Variants in CRB1 observed in about 807,000 individuals in gnomAD.
CRB1 encodes crumbs cell polarity complex component 1.
CRB1 carries 83 observed loss-of-function variants against 120.0 expected under a neutral mutation model. That is an observed-to-expected ratio of 0.69 (90% CI 0.58 to 0.83). The LOEUF is 0.83. CRB1 is among the 40% of genes least tolerant of loss of function. The pLI, the probability that CRB1 is intolerant of heterozygous loss-of-function variation, is 0.00. For missense variants in CRB1, 1,699 were observed against 1,687.6 expected, an observed-to-expected ratio of 1.01 and a Z score of -0.12; for synonymous variants, 625 against 612.5, an observed-to-expected ratio of 1.02 and a Z score of -0.30.
chr1:197,291,605 ATTAG>A (rs1656187309), intron 1 of CRB1, among the ~76,000 whole-genome samples: 2 of 151,920 alleles, frequency 1.3e-5, no homozygotes, highest in Non-Finnish European at 2.9e-5. Flanking sequence ...TAAAAGCAAA[ATTAG>A]TTAGAGATTT....
the CRB1 span, among the ~76,000 whole-genome samples, chr1:197,207,259 T>C: frequency 2.0e-5 from 3 of 152,156 alleles, no homozygotes; most frequent in African/African-American, 7.2e-5. Flanking sequence ...ATTGTGCTAT[T>C]TGTTGCCTGA....
the CRB1 span, among the ~76,000 whole-genome samples, chr1:197,244,218 T>A: frequency 1.3e-5 from 2 of 152,200 alleles, no homozygotes; most frequent in African/African-American, 4.8e-5. Flanking sequence ...CCTGTCATTA[T>A]GACGTTAGCT....
At chr1:197,388,189 A>G (rs1662319979) in intron 5 of CRB1, among the ~76,000 whole-genome samples, 1 of 152,054 alleles carries the variant, frequency 6.6e-6, no homozygotes, top group African/African-American at 2.4e-5. Flanking sequence ...AATGAAAATT[A>G]TTTTTTGATG....
chr1:197,415,644 T>G (rs1314085572), intron 5 of CRB1, among the ~76,000 whole-genome samples: 1,021 of 70,744 alleles, frequency 0.014, 26 homozygotes, highest in African/African-American at 0.095. Context: ...TTCTTTTCTT[T>G]TTTTTTTTTT....
chr1:197,448,399 C>T (rs1665803310), intron 11 of CRB1, among the ~76,000 whole-genome samples: 1 of 152,146 alleles, frequency 6.6e-6, no homozygotes, highest in South Asian at 2.1e-4. Flanking sequence ...TGTTTTTGTG[C>T]TCTTAGTTTG....
chr1:197,426,011 A>G (rs754932734), intron 6 of CRB1, among the ~76,000 whole-genome samples: 3 of 151,478 alleles, frequency 2.0e-5, no homozygotes, highest in East Asian at 2.0e-4. Context: ...TCAACTGCCC[A>G]CTAGTCACTT....
At chr1:197,366,773 C>A (rs1661100219) in intron 5 of CRB1, among the ~76,000 whole-genome samples, 1 of 152,118 alleles carries the variant, frequency 6.6e-6, no homozygotes, top group East Asian at 1.9e-4. Flanking sequence ...AAGCAAGTTA[C>A]CATGGCCCAG....
chr1:197,290,029 G>A (rs563223638), intron 1 of CRB1, among the ~76,000 whole-genome samples: 1 of 151,602 alleles, frequency 6.6e-6, no homozygotes, highest in South Asian at 2.1e-4. Context: ...AAGGGTTGGG[G>A]ATCTAATCTA....
intron 11 of CRB1, among the ~76,000 whole-genome samples, chr1:197,462,841 G>A (rs1366018790): frequency 2.0e-5 from 3 of 151,674 alleles, no homozygotes; most frequent in Middle Eastern, 3.5e-3. Context: ...TAACGCCAGA[G>A]TGTCATGTAA....
rs574399209 is a variant in CRB1 at position 197,404,353 on chromosome 1, A to G, written c.1172-16647A>G. Among the ~76,000 whole-genome samples, 19 of 150,516 alleles carry G rather than the reference A, an allele frequency of 1.3e-4. No homozygotes were observed. In the South Asian group the frequency reaches 4.0e-3, roughly 32 times the overall value. Reference sequence around the variant, plus strand: ...GCTACTCGGGAGGCTGAGGCAGGAGAATGGCATGAACCCGGGAGGCGGAGC... The same window carrying G: ...GCTACTCGGGAGGCTGAGGCAGGAGGATGGCATGAACCCGGGAGGCGGAGC... On this transcript the variant is annotated intron_variant, in intron 5 of 11. Transcript: ENST00000367400.
At chr1:197,456,107 C>T (rs1240420407) in intron 11 of CRB1, among the ~76,000 whole-genome samples, 1 of 152,034 alleles carries the variant, frequency 6.6e-6, no homozygotes, top group Admixed American at 6.6e-5. Flanking sequence ...TAATCCTATG[C>T]TGATAACAAC....
At chr1:197,355,515 G>C (rs1011968425) in intron 4 of CRB1, among the ~76,000 whole-genome samples, 1 of 152,192 alleles carries the variant, frequency 6.6e-6, no homozygotes, top group African/African-American at 2.4e-5. Flanking sequence ...CAGGCATGGC[G>C]GGCTGCAGGT....
At position 197,427,684 on chromosome 1, in the gene CRB1, G is replaced by C. The variant is rs140608881; in HGVS notation, c.2359G>C (p.Val787Leu). The C allele has an allele frequency of 6.2e-7, 1 of 1,613,862 alleles. No individual in the cohort carries two copies. Among genetic ancestry groups the C allele is most frequent in the Non-Finnish European group, 8.5e-7 (1 of 1,179,908 alleles). ...PNSPKLVVKF[V>L]LNDGNVHLIS... Reference sequence around the variant, plus strand: ...CTCTCCCAAATTAGTAGTAAAATTTGTTCTTAATGATGGAAATGTCCACTT... The same window carrying C: ...CTCTCCCAAATTAGTAGTAAAATTTCTTCTTAATGATGGAAATGTCCACTT... Residue 787 changes from valine (V) to leucine (L), a missense_variant, in exon 7 of 12, where the codon GTT becomes CTT. Coordinates refer to ENST00000367400, the MANE Select transcript of CRB1 (RefSeq NM_201253.3).
At chr1:197,302,447 G>C (rs1656922568) in intron 1 of CRB1, among the ~76,000 whole-genome samples, 2 of 152,030 alleles carry the variant, frequency 1.3e-5, no homozygotes, top group African/African-American at 4.8e-5. Flanking sequence ...CAGTAGTCTG[G>C]AACTGAACCT....
At chr1:197,203,029 G>T in the CRB1 span, among the ~76,000 whole-genome samples, 1 of 151,468 alleles carries the variant, frequency 6.6e-6, no homozygotes, top group African/African-American at 2.4e-5. Flanking sequence ...CAACTGAATT[G>T]GATTTAATAA....
chr1:197,221,187 A>G, the CRB1 span, among the ~76,000 whole-genome samples: 1 of 152,230 alleles, frequency 6.6e-6, no homozygotes, highest in Non-Finnish European at 1.5e-5. Flanking sequence ...GAAGAAAGCC[A>G]ATGAGGAATA....
At chr1:197,457,592 G>C (rs1666343088) in intron 11 of CRB1, among the ~76,000 whole-genome samples, 1 of 152,246 alleles carries the variant, frequency 6.6e-6, no homozygotes, top group African/African-American at 2.4e-5. Context: ...GCAGAGTAGT[G>C]CTTCACTATT....
chr1:197,398,616 G>C (rs1234236496), intron 5 of CRB1, among the ~76,000 whole-genome samples: 1 of 152,046 alleles, frequency 6.6e-6, no homozygotes, highest in Non-Finnish European at 1.5e-5. Context: ...TCAAATTTAT[G>C]GTCAATTTAT....
At chr1:197,338,932 A>G (rs141300423) in intron 2 of CRB1, among the ~76,000 whole-genome samples, 1 of 152,340 alleles carries the variant, frequency 6.6e-6, no homozygotes, top group African/African-American at 2.4e-5. Flanking sequence ...CTGATTGTAA[A>G]GTGCATCTCG....
Sources: gnomAD v4.1 joint callset for allele counts (sites outside exome capture counted in the v4.1 genomes callset) on GRCh38, gnomAD v4.1.1 for gene constraint, MANE v1.5 for transcripts, NCBI Gene and HGNC (gene_info 2026-07-23, HGNC 2026-07-21) for gene names.